The following EIF4G1 variants were observed in gnomAD, a reference collection of about 807,000 sequenced individuals.
EIF4G1 encodes EIF4-gamma.
Under a neutral mutation model 187.8 loss-of-function variants are expected in EIF4G1, and 4 were observed. That is an observed-to-expected ratio of 0.02 (90% CI 0.01 to 0.05). EIF4G1 has a LOEUF of 0.05. Ranked by LOEUF, EIF4G1 falls within the 10% of genes least tolerant of loss-of-function variation. The probability of loss-of-function intolerance (pLI) is 1.00; values close to 1 mark genes in which losing one functional copy is unlikely to be tolerated. For synonymous variants in EIF4G1, 844 were observed against 781.4 expected, an observed-to-expected ratio of 1.08 and a Z score of -1.34; for missense variants, 1,647 against 2,081.1, an observed-to-expected ratio of 0.79 and a Z score of 4.06.
chr3:184,324,527 G>A (rs556443666), intron 17 of EIF4G1, among the ~76,000 whole-genome samples, 180 bp downstream of exon 17: 1 of 152,278 alleles, frequency 6.6e-6, no homozygotes, highest in East Asian at 1.9e-4. Flanking sequence ...GTGCAGTGGT[G>A]TGATCTTGGC....
rs1289874954 is a variant in EIF4G1 at position 184,317,378 on chromosome 3, G to A, written c.205G>A (p.Ala69Thr). ...PSSAASRVQS[A>T]APARPGPAAH... Reference sequence around the variant, plus strand: ...CAGTGCAGCCTCCCGAGTGCAGAGTGCAGCCCCTGCCCGCCCTGGCCCAGC... The same window carrying A: ...CAGTGCAGCCTCCCGAGTGCAGAGTACAGCCCCTGCCCGCCCTGGCCCAGC... The change falls in exon 5 of 33, where the codon GCA (alanine) becomes ACA (threonine). Residue 69 changes from alanine to threonine, a missense_variant. Ala to Thr is a moderately conservative substitution (Grantham distance 58). Coordinates refer to ENST00000346169, the MANE Select transcript of EIF4G1 (RefSeq NM_198241.3). The A allele has an allele frequency of 6.2e-7, 1 of 1,614,076 alleles. No individual in the cohort carries two copies. The highest frequency in any genetic ancestry group is 2.2e-5 in the East Asian group (1 of 44,874).
intron 28 of EIF4G1, among the ~76,000 whole-genome samples, 176 bp from the exon 29 acceptor site, chr3:184,331,090 T>G (rs185582190): frequency 4.6e-5 from 7 of 152,334 alleles, no homozygotes; most frequent in African/African-American, 1.7e-4. Context: ...ATCTGTGCCC[T>G]GCACCAGACC....
intron 22 of EIF4G1, 91 bp from the exon 23 acceptor site, chr3:184,326,790 G>C: frequency 6.5e-7 from 1 of 1,546,106 alleles, no homozygotes; most frequent in Non-Finnish European, 8.9e-7. Context: ...TTTACTTTTG[G>C]GACTGGGACC....
chr3:184,326,397 C>T (rs1724918703), intron 21 of EIF4G1, 130 bp from the exon 22 acceptor site: 2 of 890,184 alleles, frequency 2.2e-6, no homozygotes, highest in East Asian at 2.5e-5. Flanking sequence ...TAGAGACTGG[C>T]CCTTTATTAA....
At position 184,321,396 on chromosome 3, in the gene EIF4G1, T is replaced by C. The variant is rs1392261327; in HGVS notation, c.812T>C (p.Val271Ala). 1 of 1,614,096 alleles carries C rather than the reference T, an allele frequency of 6.2e-7. No individual in the cohort carries two copies. Among genetic ancestry groups the C allele is most frequent in the Admixed American group, 1.7e-5 (1 of 59,992 alleles). Residue 271 changes from valine to alanine, a missense_variant, in exon 10 of 33, where the codon GTC (valine) becomes GCC (alanine). This residue lies in a region of EIF4G1 where 522 missense variants were observed against 485.2 expected (regional missense o/e 1.08). Transcript: ENST00000346169. ...SPSPTPSPSP[V>A]LEPGSEPNLA... ...TCTCCGACCCCATCACCATCCCCAG[T>C]CTTGGAACCGGGGTCTGAGCCTAAT...
In EIF4G1 at chr3:184,321,538, T is replaced by G. The variant is rs780291897; in HGVS notation, c.954T>G (p.Thr318=). ...GEPYRLSPEP[T]PLAEPILEVE... The stretch of plus-strand genomic sequence containing the variant: ...CATATCGCCTCTCTCCAGAACCCAC[T>G]CCTCTCGCCGAACCCATACTGGAAG... The change falls in exon 10 of 33, where the codon ACT becomes ACG. Residue 318 remains threonine, a synonymous_variant. Coordinates refer to ENST00000346169, the MANE Select transcript of EIF4G1 (RefSeq NM_198241.3). The G allele has an allele frequency of 6.2e-7, 1 of 1,613,984 alleles. No individual in the cohort carries two copies. Among genetic ancestry groups the G allele is most frequent in the South Asian group, 1.1e-5 (1 of 91,072 alleles).
intron 21 of EIF4G1, among the ~76,000 whole-genome samples, 186 bp downstream of exon 21, chr3:184,326,137 A>AAC (rs34901174): frequency 0.097 from 14,228 of 146,912 alleles, 663 homozygotes; most frequent in Middle Eastern, 0.14. Context: ...GTGTTTGGCA[A>AAC]ACACACACAC....
chr3:184,326,768 G>C lies in EIF4G1; in HGVS notation c.3326-113G>C. 4.7e-6 allele frequency: 7 copies of C among 1,501,142 alleles called. 1 individual carries two copies. In the Admixed American group the frequency reaches 8.4e-5, roughly 18 times the overall value. The allele number at this position is 1,501,142 out of a possible 1,614,324, so 93.0% of individuals were successfully genotyped here. The stretch of plus-strand genomic sequence containing the variant: ...GAGGAGGTTTGTGTTGTGGTTCCAG[G>C]GATTGAACTGCTTTACTTTTGGGAC... On this transcript the variant is annotated intron_variant, in intron 22 of 32. Coordinates refer to ENST00000346169, the MANE Select transcript of EIF4G1 (RefSeq NM_198241.3).
In EIF4G1 at chr3:184,322,590, G is replaced by A. The variant is rs1297390938; in HGVS notation, c.1655G>A (p.Ser552Asn). 1 of 1,614,204 alleles carries A rather than the reference G, an allele frequency of 6.2e-7. No individual in the cohort carries two copies. Among genetic ancestry groups the A allele is most frequent in the Admixed American group, 1.7e-5 (1 of 60,016 alleles). The change falls in exon 12 of 33, where the codon AGC becomes AAC. Residue 552 changes from serine to asparagine, a missense_variant. Physicochemically the swap from Ser to Asn is conservative, Grantham distance 46. Transcript: ENST00000346169. ...GTGGAAAATCAGCCTCCTGCAGGCAGCAATCCAGGCCCAGAGTCTGAGGGC... is the reference window on the plus strand; with the variant it reads ...GTGGAAAATCAGCCTCCTGCAGGCAACAATCCAGGCCCAGAGTCTGAGGGC... ...PEVENQPPAG[S>N]NPGPESEGSG...
intron 32 of EIF4G1, among the ~76,000 whole-genome samples, chr3:184,332,415 GCCTCATGTAGT>G (rs1726291013): frequency 6.6e-6 from 1 of 152,162 alleles, no homozygotes; most frequent in Non-Finnish European, 1.5e-5. Context: ...TGCTTACCTT[GCCTCATGTAGT>G]CCTCACAAAT....
At position 184,334,610 on chromosome 3, in the gene EIF4G1, A is replaced by C; in HGVS notation, c.4619-117A>C. 8.0e-7 allele frequency: 1 copy of C among 1,249,394 alleles called. No homozygotes were observed. The highest frequency in any genetic ancestry group is 1.2e-6 in the Non-Finnish European group (1 of 865,622). The allele number at this position is 1,249,394 out of a possible 1,614,324, so 77.4% of individuals were successfully genotyped here. A position where few individuals can be genotyped will look rare whatever the true frequency, so the allele number is the denominator to read the frequency against. ...GCCTAGTCACTCTGGAATGGCCACAAATGTCAGGCTGGTGCATCAGGGCCT... is the reference window on the plus strand; with the variant it reads ...GCCTAGTCACTCTGGAATGGCCACACATGTCAGGCTGGTGCATCAGGGCCT... On this transcript the variant is annotated intron_variant, in intron 32 of 32. Coordinates refer to ENST00000346169, the MANE Select transcript of EIF4G1 (RefSeq NM_198241.3). This position sits in a 1 kb window ranked among gnomAD's most constrained non-coding sequence, Gnocchi z 5.8.
chr3:184,323,353 CAT>C lies in EIF4G1; in HGVS notation c.2089-52_2089-51del, dbSNP rs375458049. 2 of 1,612,618 alleles carry C rather than the reference CAT, an allele frequency of 1.2e-6. No homozygotes were observed. The highest frequency in any genetic ancestry group is 2.7e-5 in the African/African-American group (2 of 74,860). ...CTGGAGGCGTGTAGTAGTGGTGTCA[CAT>C]ATTGTGCTGACTAGTTCCATGTCCC... On this transcript the variant is annotated intron_variant, in intron 14 of 32. Coordinates refer to ENST00000346169, the MANE Select transcript of EIF4G1 (RefSeq NM_198241.3). The surrounding 1 kb of genome is among the most constrained non-coding windows in gnomAD (Gnocchi z 6.9).
Position 184,323,441 on chromosome 3 carries a change from C to A in EIF4G1, c.2122C>A (p.Pro708Thr). Reference sequence around the variant, plus strand: ...GGGACCCCGGCGCTCTCAGCAGGGACCCCGAAAAGAACCACGCAAGATCAT... The same window carrying A: ...GGGACCCCGGCGCTCTCAGCAGGGAACCCGAAAAGAACCACGCAAGATCAT... ...GLGPRRSQQG[P>T]RKEPRKIIAT... The change falls in exon 15 of 33, where the codon CCC becomes ACC. Residue 708 changes from proline (P) to threonine (T), a missense_variant. Physicochemically the swap from Pro to Thr is conservative, Grantham distance 38. Coordinates refer to ENST00000346169, the MANE Select transcript of EIF4G1 (RefSeq NM_198241.3). This position sits in a 1 kb window ranked among gnomAD's most constrained non-coding sequence, Gnocchi z 6.9. 6.2e-7 allele frequency: 1 copy of A among 1,614,204 alleles called. No homozygotes were observed. Among genetic ancestry groups the A allele is most frequent in the Non-Finnish European group, 8.5e-7 (1 of 1,180,038 alleles).
chr3:184,335,002 C>T lies in EIF4G1; in HGVS notation c.*94C>T. ...AGGGGGGCGGCAGCAGCGGCGGTGG[C>T]AGTGGGTGCCTGTAGTGTGATGTGT... On this transcript the variant is annotated 3_prime_UTR_variant, in exon 33 of 33. Transcript: ENST00000346169. 6.6e-7 allele frequency: 1 copy of T among 1,513,448 alleles called. No individual in the cohort carries two copies. Among genetic ancestry groups the T allele is most frequent in the African/African-American group, 1.4e-5 (1 of 72,864 alleles). The allele number at this position is 1,513,448 out of a possible 1,614,324, so 93.8% of individuals were successfully genotyped here.
intron 32 of EIF4G1, among the ~76,000 whole-genome samples, chr3:184,332,847 C>T (rs573172132): frequency 7.2e-5 from 11 of 152,118 alleles, no homozygotes; most frequent in East Asian, 1.9e-4. Context: ...AAGATGGGGC[C>T]GAAGAGAGGG....
At chr3:184,315,636 C>G (rs1263620317) in intron 2 of EIF4G1, 91 bp downstream of exon 2, 1 of 782,686 alleles carries the variant, frequency 1.3e-6, no homozygotes. Flanking sequence ...TGTATCTTTT[C>G]TGCTTCACCC....
At chr3:184,331,034 G>A (rs1379531515) in intron 28 of EIF4G1, among the ~76,000 whole-genome samples, 3 of 152,120 alleles carry the variant, frequency 2.0e-5, no homozygotes, top group East Asian at 1.9e-4. Flanking sequence ...GCCACCGCCC[G>A]CTCCTGGGAC....
Position 184,325,786 on chromosome 3 carries a change from G to A in EIF4G1, c.3122-65G>A, listed in dbSNP as rs1724772789. Reference sequence around the variant, plus strand: ...GATCTGAGGAAGGGAGGCTGGGGGTGGCCCAAGGGGAAGGGGCTGCTAGGA... The same window carrying A: ...GATCTGAGGAAGGGAGGCTGGGGGTAGCCCAAGGGGAAGGGGCTGCTAGGA... On this transcript the variant is annotated intron_variant, in intron 20 of 32. Transcript: ENST00000346169. The surrounding 1 kb of genome is among the most constrained non-coding windows in gnomAD (Gnocchi z 5.2). 1 of 1,611,964 alleles carries A rather than the reference G, an allele frequency of 6.2e-7. No homozygotes were observed. Among genetic ancestry groups the A allele is most frequent in the Non-Finnish European group, 8.5e-7 (1 of 1,178,030 alleles).
In EIF4G1 at chr3:184,323,371, T is replaced by C; in HGVS notation, c.2089-37T>C. On this transcript the variant is annotated intron_variant, in intron 14 of 32. Transcript: ENST00000346169. This position sits in a 1 kb window ranked among gnomAD's most constrained non-coding sequence, Gnocchi z 6.9. The stretch of plus-strand genomic sequence containing the variant: ...GGTGTCACATATTGTGCTGACTAGT[T>C]CCATGTCCCCTCTTGTCTTCATCCC... The C allele has an allele frequency of 6.2e-7, 1 of 1,613,810 alleles. No homozygotes were observed. Among genetic ancestry groups the C allele is most frequent in the Non-Finnish European group, 8.5e-7 (1 of 1,179,878 alleles).
Sources: allele counts gnomAD v4.1 joint callset (sites outside exome capture counted in the v4.1 genomes callset), GRCh38; gene constraint gnomAD v4.1.1; regional missense constraint gnomAD v4.1.1; non-coding constraint Gnocchi (gnomAD v3.1); transcripts MANE v1.5; gene names NCBI Gene and HGNC (gene_info 2026-07-23, HGNC 2026-07-21).